The following MCC variants were observed in gnomAD, a reference collection of about 807,000 sequenced individuals.
The protein encoded by MCC is colorectal mutant cancer protein.
Under a neutral mutation model 116.2 loss-of-function variants are expected in MCC, and 90 were observed. The observed-to-expected ratio is 0.77, with a 90% CI of 0.65 to 0.92. The LOEUF (loss-of-function observed/expected upper bound fraction) is 0.92, where lower values mean the gene tolerates loss of function less well. Ranked by LOEUF, MCC falls within the 40% of genes least tolerant of loss-of-function variation. The pLI, the probability that MCC is intolerant of heterozygous loss-of-function variation, is 0.00. For missense variants in MCC, 1,516 were observed against 1,312.2 expected (o/e 1.16, Z -2.40); for synonymous variants, 578 against 510.5 (o/e 1.13, Z -1.78).
chr5:113,042,501 T>A (rs1751785540), intron 17 of MCC, among the ~76,000 whole-genome samples: 1 of 142,130 alleles, frequency 7.0e-6, no homozygotes, highest in African/African-American at 2.6e-5. Context: ...AAAAAAAAAT[T>A]TAAGCATTAT....
At chr5:113,101,422 C>A in intron 8 of MCC, 1 of 284,492 alleles carries the variant, frequency 3.5e-6, no homozygotes, top group South Asian at 6.2e-5. Context: ...TTAGTTTATC[C>A]TAAAGAACAT....
chr5:113,433,965 C>CG, intron 1 of MCC: 1 of 1,613,964 alleles, frequency 6.2e-7, no homozygotes, highest in South Asian at 1.1e-5. Context: ...TTCAGTTCCC[C>CG]GGGAACTCTC....
At chr5:113,080,299 C>A (rs1561789375) in intron 11 of MCC, among the ~76,000 whole-genome samples, 1 of 152,226 alleles carries the variant, frequency 6.6e-6, no homozygotes, top group Non-Finnish European at 1.5e-5. Flanking sequence ...CATCCCATTA[C>A]TGAGCATATG....
intron 2 of MCC, among the ~76,000 whole-genome samples, chr5:113,374,524 G>A (rs1314516888): frequency 5.3e-5 from 8 of 152,046 alleles, no homozygotes. Flanking sequence ...AGAGTCTAGG[G>A]GACAGACCGA....
chr5:113,355,758 C>T (rs1043596663), intron 2 of MCC, among the ~76,000 whole-genome samples: 2 of 152,004 alleles, frequency 1.3e-5, no homozygotes, highest in Non-Finnish European at 1.5e-5. Context: ...AAGGCTCCAC[C>T]CCACGATCTC....
chr5:113,389,315 T>C (rs1033624641), intron 1 of MCC, among the ~76,000 whole-genome samples: 1 of 152,162 alleles, frequency 6.6e-6, no homozygotes, highest in African/African-American at 2.4e-5. Flanking sequence ...CTCCCATCAA[T>C]AGGTGGAGGC....
At chr5:113,128,257 G>A (rs1474340792) in intron 5 of MCC, among the ~76,000 whole-genome samples, 5 of 152,188 alleles carry the variant, frequency 3.3e-5, no homozygotes, top group Non-Finnish European at 7.4e-5. Flanking sequence ...AGAGCCAGAT[G>A]GTCATCTGCC....
chr5:113,253,383 G>A (rs902035430), intron 3 of MCC, among the ~76,000 whole-genome samples: 3 of 152,186 alleles, frequency 2.0e-5, no homozygotes, highest in Non-Finnish European at 4.4e-5. Context: ...TCCAAAGGGA[G>A]CAAGTGATCT....
At chr5:113,104,148 T>C (rs1173614088) in intron 7 of MCC, 44 bp downstream of exon 7, 1 of 1,539,110 alleles carries the variant, frequency 6.5e-7, no homozygotes, top group South Asian at 1.2e-5. Context: ...ACCATTTCCC[T>C]TTCAGAACCT....
At chr5:113,073,182 G>C (rs185080108) in intron 11 of MCC, among the ~76,000 whole-genome samples, 3 of 152,016 alleles carry the variant, frequency 2.0e-5, no homozygotes, top group Admixed American at 1.3e-4. Flanking sequence ...GAAGCCAAAA[G>C]ATTGGACACC....
At chr5:113,075,849 T>G (rs1329241850) in intron 11 of MCC, among the ~76,000 whole-genome samples, 1 of 152,098 alleles carries the variant, frequency 6.6e-6, no homozygotes, top group Non-Finnish European at 1.5e-5. Context: ...GCTGTAACAC[T>G]CAACGTGAAG....
chr5:113,185,427 A>G (rs1761853535), intron 3 of MCC, among the ~76,000 whole-genome samples: 1 of 151,860 alleles, frequency 6.6e-6, no homozygotes, highest in African/African-American at 2.4e-5. Flanking sequence ...GTCCACAGGC[A>G]GAGACCATCT....
rs1766660279 is a variant in MCC at position 113,294,847 on chromosome 5, C to A, written c.627+45672G>T. On this transcript the variant is annotated intron_variant, in intron 3 of 18. Coordinates refer to ENST00000408903, the MANE Select transcript of MCC (RefSeq NM_001085377.2). ...GCGGTGGGGCGAGGAAGATCCGCGC[C>A]TCGGATTCCAGAGAAGGAAAGAAAG... is the stretch of plus-strand genomic sequence containing the variant. The A allele has an allele frequency of 3.0e-6, 3 of 985,922 alleles. No homozygotes were observed. In the South Asian group the frequency reaches 1.4e-4, roughly 46 times the overall value. The allele number at this position is 985,922 out of a possible 1,614,324, so 61.1% of individuals were successfully genotyped here.
At chr5:113,251,822 G>T (rs1764815441) in intron 3 of MCC, among the ~76,000 whole-genome samples, 1 of 152,144 alleles carries the variant, frequency 6.6e-6, no homozygotes, top group South Asian at 2.1e-4. Context: ...TAGGAAGTGG[G>T]AATGATGCAT....
chr5:113,369,480 C>A (rs1262810928), intron 2 of MCC, among the ~76,000 whole-genome samples: 1 of 152,084 alleles, frequency 6.6e-6, no homozygotes, highest in African/African-American at 2.4e-5. Context: ...TTCATGGATA[C>A]AACATTTTCT....
At chr5:113,100,018 T>C (rs1164590703) in intron 8 of MCC, among the ~76,000 whole-genome samples, 1 of 152,212 alleles carries the variant, frequency 6.6e-6, no homozygotes, top group African/African-American at 2.4e-5. Flanking sequence ...AATTTCATCA[T>C]GCTGCCCAGA....
intron 3 of MCC, among the ~76,000 whole-genome samples, chr5:113,211,443 A>T (rs1044062404): frequency 1.3e-5 from 2 of 152,208 alleles, no homozygotes; most frequent in African/African-American, 4.8e-5. Context: ...CAGAGATATG[A>T]AAGAACCTGA....
chr5:113,104,563 C>T (rs930002000), intron 6 of MCC: 2 of 423,554 alleles, frequency 4.7e-6, no homozygotes, highest in South Asian at 6.2e-5. Flanking sequence ...AGATGATGGT[C>T]ATTTTCTGAA....
intron 3 of MCC, among the ~76,000 whole-genome samples, chr5:113,171,384 G>T (rs114097749): frequency 0.038 from 5,735 of 151,564 alleles, 160 homozygotes; most frequent in African/African-American, 0.065. Flanking sequence ...GAGACAGAGT[G>T]TCACTCTGTT....
Sources: gnomAD v4.1 joint callset for allele counts (sites outside exome capture counted in the v4.1 genomes callset) on GRCh38, gnomAD v4.1.1 for gene constraint, MANE v1.5 for transcripts, NCBI Gene and HGNC (gene_info 2026-07-23, HGNC 2026-07-21) for gene names.